GPD1L: variants seen among roughly 807,000 people sequenced by gnomAD.
GPD1L encodes glycerol-3-phosphate dehydrogenase 1 like, also known as glycerol-3-phosphate dehydrogenase 1-like protein.
In GPD1L, 17 loss-of-function variants were observed where a neutral mutation model predicts 32.9. The ratio of observed to expected loss-of-function variants is 0.52; its 90% CI spans 0.35 to 0.78. GPD1L has a LOEUF of 0.78. Ranked by LOEUF, GPD1L falls within the 30% of genes least tolerant of loss-of-function variation. GPD1L has a pLI of 0.01. For missense variants in GPD1L, 361 were observed against 447.8 expected (o/e 0.81, Z 1.75); for synonymous variants, 187 against 165.9 (o/e 1.13, Z -0.98).
chr3:32,110,877 T>C (rs1365063574), intron 1 of GPD1L, among the ~76,000 whole-genome samples: 2 of 152,214 alleles, frequency 1.3e-5, no homozygotes, highest in Non-Finnish European at 1.5e-5. Flanking sequence ...TTTGTTTTTG[T>C]TGTTGTTGAG....
chr3:32,147,269 T>C (rs1700844257), intron 5 of GPD1L, among the ~76,000 whole-genome samples: 1 of 152,230 alleles, frequency 6.6e-6, no homozygotes, highest in Non-Finnish European at 1.5e-5. Context: ...GCTTGCTGGA[T>C]TTTTGTAAGT....
At chr3:32,113,153 C>T (rs1035593090) in intron 1 of GPD1L, among the ~76,000 whole-genome samples, 10 of 122,382 alleles carry the variant, frequency 8.2e-5, no homozygotes, top group African/African-American at 3.9e-4. Context: ...CCAATGTAGT[C>T]ATCCCTTCTC....
At chr3:32,138,331 G>A (rs951718773) in intron 2 of GPD1L, among the ~76,000 whole-genome samples, 3 of 152,186 alleles carry the variant, frequency 2.0e-5, no homozygotes, top group African/African-American at 7.2e-5. Context: ...TGTTATTAGA[G>A]GTGCCTTTTG....
intron 5 of GPD1L, among the ~76,000 whole-genome samples, chr3:32,147,891 A>G (rs1478943913): frequency 6.6e-6 from 1 of 152,160 alleles, no homozygotes; most frequent in African/African-American, 2.4e-5. Flanking sequence ...ATGTGTGGTC[A>G]TGATATATAA....
At chr3:32,109,466 G>A (rs1481316212) in intron 1 of GPD1L, among the ~76,000 whole-genome samples, 1 of 152,202 alleles carries the variant, frequency 6.6e-6, no homozygotes, top group African/African-American at 2.4e-5. Context: ...CCAGCCCAGG[G>A]AAATGGAGTA....
At chr3:32,148,247 G>C (rs1183312355) in intron 5 of GPD1L, among the ~76,000 whole-genome samples, 1 of 152,214 alleles carries the variant, frequency 6.6e-6, no homozygotes, top group East Asian at 1.9e-4. Flanking sequence ...CCAGAGCAAA[G>C]AGTGCTGGGT....
chr3:32,155,237 G>C (rs1433075308), intron 5 of GPD1L, among the ~76,000 whole-genome samples: 1 of 152,174 alleles, frequency 6.6e-6, no homozygotes, highest in East Asian at 1.9e-4. Flanking sequence ...TCTTTTACCA[G>C]TGAGGTGTTC....
At chr3:32,136,312 TA>T (rs777471352) in intron 2 of GPD1L, among the ~76,000 whole-genome samples, 12 of 152,220 alleles carry the variant, frequency 7.9e-5, no homozygotes, top group Non-Finnish European at 1.6e-4. Flanking sequence ...TCCTGAAGAA[TA>T]AGGAAGCATC....
chr3:32,129,603 G>A (rs1700558412), intron 2 of GPD1L, among the ~76,000 whole-genome samples: 1 of 152,186 alleles, frequency 6.6e-6, no homozygotes, highest in South Asian at 2.1e-4. Context: ...TTGATTCCTG[G>A]TGGACGCATC....
rs114059824 is a variant in GPD1L, at chr3:32,165,483, T to C, written c.960-331T>C. 3.1e-3 allele frequency among the ~76,000 whole-genome samples: 470 copies of C among 152,298 alleles called. 6 individuals are homozygous for C. Among genetic ancestry groups the C allele is most frequent in the African/African-American group, 0.011 (452 of 41,560 alleles). On this transcript the variant is annotated intron_variant, in intron 7 of 7. Coordinates refer to ENST00000282541, the MANE Select transcript of GPD1L (RefSeq NM_015141.4). The stretch of plus-strand genomic sequence containing the variant: ...TACAACTTTTAAAATAATGACAGAA[T>C]ATAGACTCCTCCAAGATTTGACCAA...
intron 5 of GPD1L, among the ~76,000 whole-genome samples, chr3:32,156,812 A>G (rs957072393): frequency 6.6e-6 from 1 of 152,106 alleles, no homozygotes; most frequent in Admixed American, 6.5e-5. Context: ...CTCATCCCTC[A>G]CATTTTATAG....
At chr3:32,157,801 A>G (rs1197772939) in intron 5 of GPD1L, among the ~76,000 whole-genome samples, 2 of 152,134 alleles carry the variant, frequency 1.3e-5, no homozygotes, top group Non-Finnish European at 2.9e-5. Flanking sequence ...GGTTCCCGTA[A>G]AACATTATTT....
Position 32,159,095 on chromosome 3 carries a change from G to C in GPD1L, c.838G>C (p.Ala280Pro). The C allele has an allele frequency of 6.2e-7, 1 of 1,613,210 alleles. No individual in the cohort carries two copies. Reference protein sequence around the residue: ...GRNRRVAEAFARTGKTIEELE... With the variant: ...GRNRRVAEAFPRTGKTIEELE... ...GAACCGCAGGGTGGCCGAGGCCTTC[G>C]CCAGAACTGGGAAGGTAGCCCCTCA... The change falls in exon 6 of 8, where the codon GCC becomes CCC. Residue 280 changes from alanine (A) to proline (P), a missense_variant. Transcript: ENST00000282541.
Position 32,168,564 on chromosome 3 carries a change from AG to A in GPD1L, c.*2656del, listed in dbSNP as rs1397072463. ...TCCACACCAAGAGGGTGTTGTGATG[AG>A]GTGCCGGTGTGCAAAGGGAACTTTA... On this transcript the variant is annotated 3_prime_UTR_variant, in exon 8 of 8. Coordinates refer to ENST00000282541, the MANE Select transcript of GPD1L (RefSeq NM_015141.4). 5.9e-5 allele frequency: 9 copies of A among 152,660 alleles called. No individual in the cohort carries two copies. Among genetic ancestry groups the A allele is most frequent in the Non-Finnish European group, 7.3e-5 (5 of 68,054 alleles). 9.5% of individuals were successfully genotyped at this position (152,660 alleles called of 1,614,324 possible).
At chr3:32,116,567 G>C (rs1277116125) in intron 1 of GPD1L, among the ~76,000 whole-genome samples, 1 of 152,008 alleles carries the variant, frequency 6.6e-6, no homozygotes, top group African/African-American at 2.4e-5. Context: ...AGCTTTGCCA[G>C]GAAAGGGTGC....
Position 32,166,126 on chromosome 3 carries a change from G to T in GPD1L, c.*216G>T. ...CACACATGCAAACATGTGAATGGTG[G>T]TTTATTCCTCATTCTGTGGATGTTT... is the stretch of plus-strand genomic sequence containing the variant. On this transcript the variant is annotated 3_prime_UTR_variant, in exon 8 of 8. Transcript: ENST00000282541. The T allele has an allele frequency of 1.7e-6, 1 of 583,412 alleles. No homozygotes were observed. Among genetic ancestry groups the T allele is most frequent in the South Asian group, 2.0e-5 (1 of 49,784 alleles). 36.1% of individuals were successfully genotyped at this position (583,412 alleles called of 1,614,324 possible).
intron 5 of GPD1L, among the ~76,000 whole-genome samples, chr3:32,153,144 G>T (rs1011105378): frequency 6.6e-6 from 1 of 152,164 alleles, no homozygotes; most frequent in Non-Finnish European, 1.5e-5. Context: ...TAATTGCTGG[G>T]CATGTAGGTT....
rs1391244557 is a variant in GPD1L, at chr3:32,106,865, C to T, written c.47+107C>T. Reference sequence around the variant, plus strand: ...TGCGGCGTGGGCACCGGGCACTGCGCGCAGGGAGGCGGGGTGGGCGACCTC... The same window carrying T: ...TGCGGCGTGGGCACCGGGCACTGCGTGCAGGGAGGCGGGGTGGGCGACCTC... On this transcript the variant is annotated intron_variant, in intron 1 of 7. Coordinates refer to ENST00000282541, the MANE Select transcript of GPD1L (RefSeq NM_015141.4). The surrounding 1 kb of genome is among the most constrained non-coding windows in gnomAD (Gnocchi z 4.0). 3 of 1,082,496 alleles carry T rather than the reference C, an allele frequency of 2.8e-6. No individual in the cohort carries two copies. The highest frequency in any genetic ancestry group is 3.7e-6 in the Non-Finnish European group (3 of 812,208). The allele number at this position is 1,082,496 out of a possible 1,614,324, so 67.1% of individuals were successfully genotyped here.
At chr3:32,110,829 A>C (rs1700234511) in intron 1 of GPD1L, among the ~76,000 whole-genome samples, 1 of 152,194 alleles carries the variant, frequency 6.6e-6, no homozygotes, top group African/African-American at 2.4e-5. Context: ...AAAGCTTCTC[A>C]GGTTCTTTCA....
Sources: allele counts gnomAD v4.1 joint callset (sites outside exome capture counted in the v4.1 genomes callset), GRCh38; gene constraint gnomAD v4.1.1; non-coding constraint Gnocchi (gnomAD v3.1); transcripts MANE v1.5; gene names NCBI Gene and HGNC (gene_info 2026-07-23, HGNC 2026-07-21).